The following IQGAP3 variants were observed in gnomAD, a reference collection of about 807,000 sequenced individuals.
The protein encoded by IQGAP3 is ras GTPase-activating-like protein IQGAP3.
Under a neutral mutation model 208.2 loss-of-function variants are expected in IQGAP3, and 165 were observed. That is an observed-to-expected ratio of 0.79 (90% CI 0.70 to 0.90). The LOEUF (loss-of-function observed/expected upper bound fraction) is 0.90, where lower values mean the gene tolerates loss of function less well. Ranked by LOEUF, IQGAP3 falls within the 40% of genes least tolerant of loss-of-function variation. The probability of loss-of-function intolerance (pLI) is 0.00; values close to 1 mark genes in which losing one functional copy is unlikely to be tolerated. For missense variants in IQGAP3, 1,811 were observed against 2,043.1 expected, an observed-to-expected ratio of 0.89 and a Z score of 2.19; for synonymous variants, 703 against 803.6, an observed-to-expected ratio of 0.87 and a Z score of 2.12.
intron 37 of IQGAP3, 85 bp from the exon 38 acceptor site, chr1:156,526,684 G>A: frequency 3.3e-6 from 3 of 895,936 alleles, no homozygotes; most frequent in Admixed American, 1.9e-5. Context: ...CACATCATGG[G>A]GCCTTCTGCA....
At chr1:156,526,902 G>A (rs949860678) in intron 37 of IQGAP3, among the ~76,000 whole-genome samples, 1 of 151,944 alleles carries the variant, frequency 6.6e-6, no homozygotes, top group Admixed American at 6.6e-5. Flanking sequence ...GCGCGATCTC[G>A]GATCGCTGCA....
At chr1:156,565,928 G>A (rs950689577) in intron 4 of IQGAP3, 99 bp downstream of exon 4, 7 of 892,978 alleles carry the variant, frequency 7.8e-6, no homozygotes, top group Admixed American at 5.7e-5. Flanking sequence ...GAAGACACAT[G>A]GAAATAGGGC....
At chr1:156,534,798 T>C in intron 28 of IQGAP3, 65 bp from the exon 29 acceptor site, 1 of 1,238,478 alleles carries the variant, frequency 8.1e-7, no homozygotes, top group Non-Finnish European at 1.1e-6. Context: ...GGCCCCACAT[T>C]CTCAGCTTGC....
At position 156,538,868 on chromosome 1, in the gene IQGAP3, G is replaced by T. The variant is rs1674836593; in HGVS notation, c.3222C>A (p.Asp1074Glu). The change falls in exon 26 of 38, where the codon GAC (aspartate) becomes GAA (glutamate). Residue 1074 changes from aspartate (D) to glutamate (E), a missense_variant. By Grantham distance (45) the Asp-to-Glu change is conservative (BLOSUM62 2). Transcript: ENST00000361170. Reference protein sequence around the residue: ...LEDKVLSVHTDPVHLYKNWIN... With the variant: ...LEDKVLSVHTEPVHLYKNWIN... ...TCCAGTTCTTATAGAGGTGGACAGGGTCTGTGTGGACGCTGAGCACTTTGT... is the reference window on the plus strand; with the variant it reads ...TCCAGTTCTTATAGAGGTGGACAGGTTCTGTGTGGACGCTGAGCACTTTGT... 6.2e-7 allele frequency: 1 copy of T among 1,614,174 alleles called. No individual in the cohort carries two copies. The highest frequency in any genetic ancestry group is 8.5e-7 in the Non-Finnish European group (1 of 1,180,030).
chr1:156,562,431 C>G (rs1308392619), intron 9 of IQGAP3, among the ~76,000 whole-genome samples, 156 bp downstream of exon 9: 4 of 152,154 alleles, frequency 2.6e-5, no homozygotes, highest in African/African-American at 9.7e-5. Context: ...GAAAGCAGTG[C>G]ACATACTCCT....
At chr1:156,571,777 T>C (rs1676656674) in intron 1 of IQGAP3, among the ~76,000 whole-genome samples, 1 of 152,224 alleles carries the variant, frequency 6.6e-6, no homozygotes, top group Non-Finnish European at 1.5e-5. Flanking sequence ...TGAATCCTAA[T>C]AGAAAGGAAG....
Position 156,538,888 on chromosome 1 carries a change from C to A in IQGAP3, c.3202G>T (p.Val1068Leu). 1 of 1,614,164 alleles carries A rather than the reference C, an allele frequency of 6.2e-7. No homozygotes were observed. Among genetic ancestry groups the A allele is most frequent in the South Asian group, 1.1e-5 (1 of 91,080 alleles). The change falls in exon 26 of 38, where the codon GTG becomes TTG. Residue 1068 changes from valine (V) to leucine (L), a missense_variant. Coordinates refer to ENST00000361170, the MANE Select transcript of IQGAP3 (RefSeq NM_178229.5). ...ACAGGGTCTGTGTGGACGCTGAGCA[C>A]TTTGTCTTCTAGCACATCCTGGATA... ...KVIQDVLEDKVLSVHTDPVHL... is the reference protein window; with the variant it reads ...KVIQDVLEDKLLSVHTDPVHL...
chr1:156,572,405 GAC>G, intron 1 of IQGAP3, 86 bp downstream of exon 1: 1 of 1,417,506 alleles, frequency 7.1e-7, no homozygotes, highest in Admixed American at 1.7e-5. Flanking sequence ...CTTCACGCCC[GAC>G]ACACGCCCCA....
intron 34 of IQGAP3, 106 bp downstream of exon 34, chr1:156,529,999 G>A (rs776430991): frequency 2.4e-6 from 2 of 838,200 alleles, no homozygotes; most frequent in Non-Finnish European, 3.8e-6. Flanking sequence ...AATTTTGGGT[G>A]AGGACTCATC....
At chr1:156,563,104 C>A in intron 8 of IQGAP3, 30 bp downstream of exon 8, 1 of 1,531,042 alleles carries the variant, frequency 6.5e-7, no homozygotes, top group South Asian at 1.3e-5. Context: ...CTCAACTTTT[C>A]GGTCCCTGCA....
intron 13 of IQGAP3, 148 bp downstream of exon 13, chr1:156,554,087 G>A: frequency 1.1e-6 from 1 of 889,038 alleles, no homozygotes. Flanking sequence ...AAGAAACACA[G>A]GCCAAGGAAC....
At chr1:156,534,863 GA>G (rs1339327216) in intron 28 of IQGAP3, 130 bp from the exon 29 acceptor site, 12 of 703,802 alleles carry the variant, frequency 1.7e-5, no homozygotes, top group Non-Finnish European at 2.8e-5. Context: ...AACAGGCCCA[GA>G]GCAGGCAGAC....
chr1:156,531,256 G>A lies in IQGAP3; in HGVS notation c.4104-9C>T, dbSNP rs1674383895. The A allele has an allele frequency of 6.2e-7, 1 of 1,609,512 alleles. No individual in the cohort carries two copies. Among genetic ancestry groups the A allele is most frequent in the Non-Finnish European group, 8.5e-7 (1 of 1,176,976 alleles). On this transcript the variant is annotated splice_polypyrimidine_tract_variant and intron_variant, in intron 32 of 37. Transcript: ENST00000361170. ...CCAACAGCTGCTTGGTGCTGCACAA[G>A]GAGGACAGTGACAGAGGAGAGGTAA...
chr1:156,534,781 C>T (rs1406104338), intron 28 of IQGAP3, 48 bp from the exon 29 acceptor site: 41 of 1,333,690 alleles, frequency 3.1e-5, no homozygotes, highest in Admixed American at 5.8e-5. Context: ...GCCGCCTTGA[C>T]TGGTGCGGCC....
At position 156,534,088 on chromosome 1, in the gene IQGAP3, A is replaced by T. The variant is rs756919242; in HGVS notation, c.3794T>A (p.Val1265Glu). 2 of 1,614,080 alleles carry T rather than the reference A, an allele frequency of 1.2e-6. No homozygotes were observed. The highest frequency in any genetic ancestry group is 1.7e-6 in the Non-Finnish European group (2 of 1,180,030). Reference sequence around the variant, plus strand: ...AGCCACCATGTCTGAGTACTCGTCCACTGCAAAACGCTCCTCTGGCTCTGG... The same window carrying T: ...AGCCACCATGTCTGAGTACTCGTCCTCTGCAAAACGCTCCTCTGGCTCTGG... Reference protein sequence around the residue: ...QVPEPEERFAVDEYSDMVAVA... With the variant: ...QVPEPEERFAEDEYSDMVAVA... The change falls in exon 30 of 38, where the codon GTG becomes GAG. Residue 1265 changes from valine (V) to glutamate (E), a missense_variant. By Grantham distance (121) the Val-to-Glu change is moderately radical. Coordinates refer to ENST00000361170, the MANE Select transcript of IQGAP3 (RefSeq NM_178229.5).
At chr1:156,539,254 AGAGGTCTTCT>A (rs1194018930) in intron 25 of IQGAP3, 110 bp downstream of exon 25, 7 of 1,004,622 alleles carry the variant, frequency 7.0e-6, no homozygotes, top group Non-Finnish European at 1.5e-6. Flanking sequence ...GGTAGAGAAA[AGAGGTCTTCT>A]GATTCCATTT....
intron 22 of IQGAP3, among the ~76,000 whole-genome samples, chr1:156,542,009 A>C (rs115910925): frequency 0.019 from 2,856 of 152,204 alleles, 100 homozygotes; most frequent in African/African-American, 0.067. Flanking sequence ...GGTGAGGGGC[A>C]GGTCAGTGAA....
rs1490903542 is a variant in IQGAP3, at chr1:156,531,286, C to T, written c.4104-39G>A. 9 of 1,520,264 alleles carry T rather than the reference C, an allele frequency of 5.9e-6. No individual in the cohort carries two copies. The African/African-American group carries it at 8.2e-5, about 14-fold the overall frequency. 94.2% of individuals were successfully genotyped at this position (1,520,264 alleles called of 1,614,324 possible). ...ACAGTGACAGAGGAGAGGTAAGGGG[C>T]AGGGGAAGGGCCTGGACATGGGACT... On this transcript the variant is annotated intron_variant, in intron 32 of 37. Transcript: ENST00000361170.
chr1:156,544,198 G>A lies in IQGAP3; in HGVS notation c.2414C>T (p.Ala805Val). Residue 805 changes from alanine to valine, a missense_variant, in exon 21 of 38, where the codon GCA becomes GTA. Ala to Val is a moderately conservative substitution (Grantham distance 64, BLOSUM62 0). Coordinates refer to ENST00000361170, the MANE Select transcript of IQGAP3 (RefSeq NM_178229.5). ...ACGCCTCAGGTATTGCCTCCGAGCTGCCCACATCCGGGCCCAGGCCTGGAT... is the reference window on the plus strand; with the variant it reads ...ACGCCTCAGGTATTGCCTCCGAGCTACCCACATCCGGGCCCAGGCCTGGAT... Reference protein sequence around the residue: ...IKIQAWARMWAARRQYLRRLH... With the variant: ...IKIQAWARMWVARRQYLRRLH... 6.2e-7 allele frequency: 1 copy of A among 1,614,138 alleles called. No individual in the cohort carries two copies. The highest frequency in any genetic ancestry group is 8.5e-7 in the Non-Finnish European group (1 of 1,180,042).
Sources: allele counts gnomAD v4.1 joint callset (sites outside exome capture counted in the v4.1 genomes callset), GRCh38; gene constraint gnomAD v4.1.1; transcripts MANE v1.5; gene names NCBI Gene and HGNC (gene_info 2026-07-23, HGNC 2026-07-21).